SEMA6B: variants seen among roughly 807,000 people sequenced by gnomAD.
SEMA6B encodes semaphorin-6B.
A neutral mutation model predicts 78.6 loss-of-function variants in SEMA6B; 47 were observed. That is an observed-to-expected ratio of 0.60 (90% CI 0.47 to 0.76). SEMA6B has a LOEUF of 0.76. Ranked by LOEUF, SEMA6B falls within the 30% of genes least tolerant of loss-of-function variation. The pLI is 0.00. For synonymous variants in SEMA6B, 632 were observed against 592.2 expected (o/e 1.07, Z -0.98); for missense variants, 1,213 against 1,269.9 (o/e 0.96, Z 0.68).
chr19:4,544,437 C>T lies in SEMA6B; in HGVS notation c.1831G>A (p.Ala611Thr). The T allele has an allele frequency of 1.2e-6, 2 of 1,601,952 alleles. No homozygotes were observed. The highest frequency in any genetic ancestry group is 1.7e-6 in the Non-Finnish European group (2 of 1,175,208). Residue 611 changes from alanine (A) to threonine (T), a missense_variant, in exon 17 of 17, where the codon GCC becomes ACC. Transcript: ENST00000586582. This position sits in a 1 kb window ranked among gnomAD's most constrained non-coding sequence, Gnocchi z 5.1. Reference protein sequence around the residue: ...TSSVAAFVVGAVVSGFSVGWF... With the variant: ...TSSVAAFVVGTVVSGFSVGWF... ...CCCACGCTGAAGCCGGACACCACGG[C>T]TCCCACCACGAAGGCCGCCACCGAC...
rs1445969276 is a variant in SEMA6B at position 4,555,933 on chromosome 19, G to A, written c.471+55C>T. 14 of 1,401,192 alleles carry A rather than the reference G, an allele frequency of 1.0e-5. No homozygotes were observed. The East Asian group carries it at 2.5e-4, about 25-fold the overall frequency. 86.8% of individuals were successfully genotyped at this position (1,401,192 alleles called of 1,614,324 possible). A position where few individuals can be genotyped will look rare whatever the true frequency, so the allele number is the denominator to read the frequency against. ...GGAAAAGCCATGGCCAGCGGAGGTC[G>A]GGCGAGCAGAGGCCTGGAGGTTGGA... On this transcript the variant is annotated intron_variant, in intron 6 of 16. Coordinates refer to ENST00000586582, the MANE Select transcript of SEMA6B (RefSeq NM_032108.4). This position sits in a 1 kb window ranked among gnomAD's most constrained non-coding sequence, Gnocchi z 6.1.
Position 4,548,245 on chromosome 19 carries a change from A to G in SEMA6B, c.1454+18T>C, listed in dbSNP as rs780146776. The G allele has an allele frequency of 6.3e-7, 1 of 1,596,578 alleles. No homozygotes were observed. Among genetic ancestry groups the G allele is most frequent in the Non-Finnish European group, 8.6e-7 (1 of 1,165,948 alleles). On this transcript the variant is annotated intron_variant, in intron 13 of 16. Coordinates refer to ENST00000586582, the MANE Select transcript of SEMA6B (RefSeq NM_032108.4). The stretch of plus-strand genomic sequence containing the variant: ...CCCCTCCTGCTGGCGACCCCTTCCC[A>G]CCTTTGCCCAGACTTACCTGTCCGG...
intron 9 of SEMA6B, among the ~76,000 whole-genome samples, 187 bp downstream of exon 9, chr19:4,554,201 G>C (rs1477161705): frequency 6.6e-6 from 1 of 152,128 alleles, no homozygotes; most frequent in Non-Finnish European, 1.5e-5. Context: ...AGGGCTGAGT[G>C]CTCCACGGCT....
Position 4,543,653 on chromosome 19 carries a change from G to A in SEMA6B, c.2615C>T (p.Ala872Val), listed in dbSNP as rs1599771278. The A allele has an allele frequency of 1.7e-5, 21 of 1,231,942 alleles. No homozygotes were observed. The East Asian group carries it at 1.9e-4, about 11-fold the overall frequency. 76.3% of individuals were successfully genotyped at this position (1,231,942 alleles called of 1,614,324 possible). A position where few individuals can be genotyped will look rare whatever the true frequency, so the allele number is the denominator to read the frequency against. The change falls in exon 17 of 17, where the codon GCC becomes GTC. Residue 872 changes from alanine (A) to valine (V), a missense_variant. Coordinates refer to ENST00000586582, the MANE Select transcript of SEMA6B (RefSeq NM_032108.4). ...CGCCCCCCCATAGGGGAGGAGGTGG[G>A]CCAAGTCTGTGCCCGGCCGGGCGTG... ...GCHARPGTDLAHLLPYGGADR... is the reference protein window; with the variant it reads ...GCHARPGTDLVHLLPYGGADR...
Position 4,542,703 on chromosome 19 carries a change from G to A in SEMA6B, c.*898C>T, listed in dbSNP as rs143507855. The A allele has an allele frequency of 5.8e-4, 388 of 668,476 alleles. 1 individual carries two copies. The highest frequency in any genetic ancestry group is 8.2e-4 in the South Asian group (53 of 64,382). The allele number at this position is 668,476 out of a possible 1,614,324, so 41.4% of individuals were successfully genotyped here. On this transcript the variant is annotated 3_prime_UTR_variant, in exon 17 of 17. Transcript: ENST00000586582. ...CATGCATGGTCAGCTGGAGGTCAGA[G>A]GGGGGAGGTCACAAGGGGACGGGTG...
Position 4,558,169 on chromosome 19 carries a change from G to T in SEMA6B, c.122-20C>A. ...TCAGGTCTGAGTGAGGGGGTGGAGA[G>T]GGGTGTGAGCAAGGGCTGGGGGTGA... On this transcript the variant is annotated intron_variant, in intron 2 of 16. Coordinates refer to ENST00000586582, the MANE Select transcript of SEMA6B (RefSeq NM_032108.4). The surrounding 1 kb of genome is among the most constrained non-coding windows in gnomAD (Gnocchi z 5.1). 7.0e-7 allele frequency: 1 copy of T among 1,435,348 alleles called. No individual in the cohort carries two copies. The highest frequency in any genetic ancestry group is 1.4e-5 in the African/African-American group (1 of 68,986). The allele number at this position is 1,435,348 out of a possible 1,614,324, so 88.9% of individuals were successfully genotyped here. A position where few individuals can be genotyped will look rare whatever the true frequency, so the allele number is the denominator to read the frequency against.
intron 9 of SEMA6B, among the ~76,000 whole-genome samples, chr19:4,553,826 T>C (rs1482594759): frequency 1.7e-5 from 2 of 120,690 alleles, no homozygotes; most frequent in Non-Finnish European, 3.6e-5. Flanking sequence ...GGTGAATGGA[T>C]TGGCAGATGG....
In SEMA6B at chr19:4,544,335, C is replaced by T. The variant is rs1369165475; in HGVS notation, c.1933G>A (p.Gly645Ser). Residue 645 changes from glycine (G) to serine (S), a missense_variant, in exon 17 of 17, where the codon GGC becomes AGC. Physicochemically the swap from Gly to Ser is moderately conservative, Grantham distance 56. Coordinates refer to ENST00000586582, the MANE Select transcript of SEMA6B (RefSeq NM_032108.4). The surrounding 1 kb of genome is among the most constrained non-coding windows in gnomAD (Gnocchi z 5.1). ...CGGCTGACGCTCAGCACCGCCTCGC[C>T]CGCCCCGTGCGCCAGGATGGCCTCC... ...DKEAILAHGA[G>S]EAVLSVSRLG... 1 of 1,529,214 alleles carries T rather than the reference C, an allele frequency of 6.5e-7. No homozygotes were observed. The highest frequency in any genetic ancestry group is 1.2e-5 in the South Asian group (1 of 83,020). 94.7% of individuals were successfully genotyped at this position (1,529,214 alleles called of 1,614,324 possible).
intron 3 of SEMA6B, 141 bp downstream of exon 3, chr19:4,557,885 C>G: frequency 1.4e-6 from 1 of 726,058 alleles, no homozygotes; most frequent in Non-Finnish European, 1.9e-6. Flanking sequence ...CACCTTCCTC[C>G]GGGTCAAAGC....
intron 5 of SEMA6B, 144 bp from the exon 6 acceptor site, chr19:4,556,233 G>A (rs978410727): frequency 7.7e-6 from 5 of 650,310 alleles, no homozygotes; most frequent in Non-Finnish European, 1.4e-5. Flanking sequence ...GACTGGCTGG[G>A]GACACGGTGC....
In SEMA6B at chr19:4,550,047, G is replaced by T. The variant is rs568915299; in HGVS notation, c.1271+76C>A. ...CGGAAGCCATGGGCTCATCTGTGTT[G>T]AGCATCTGGATCCTCTCACCCTCCA... On this transcript the variant is annotated intron_variant, in intron 12 of 16. Coordinates refer to ENST00000586582, the MANE Select transcript of SEMA6B (RefSeq NM_032108.4). This position sits in a 1 kb window ranked among gnomAD's most constrained non-coding sequence, Gnocchi z 6.6. 2.0e-6 allele frequency: 3 copies of T among 1,471,896 alleles called. No individual in the cohort carries two copies. Among genetic ancestry groups the T allele is most frequent in the South Asian group, 1.2e-5 (1 of 82,858 alleles). 91.2% of individuals were successfully genotyped at this position (1,471,896 alleles called of 1,614,324 possible).
intron 5 of SEMA6B, 102 bp from the exon 6 acceptor site, chr19:4,556,191 G>T: frequency 1.2e-6 from 1 of 803,558 alleles, no homozygotes. Flanking sequence ...CCGGTCTGTT[G>T]TGGGCATGGC....
In SEMA6B at chr19:4,558,571, C is replaced by T. The variant is rs1449606749; in HGVS notation, c.-32-82G>A. On this transcript the variant is annotated intron_variant, in intron 1 of 16. Coordinates refer to ENST00000586582, the MANE Select transcript of SEMA6B (RefSeq NM_032108.4). The surrounding 1 kb of genome is among the most constrained non-coding windows in gnomAD (Gnocchi z 5.1). ...CGGCGGGCGAGAGCAGCAGACGCTC[C>T]TTCAAATCCCAGAAAAATTCCTCAC... 1.2e-6 allele frequency: 1 copy of T among 848,674 alleles called. No homozygotes were observed. The highest frequency in any genetic ancestry group is 1.6e-6 in the Non-Finnish European group (1 of 638,362). The allele number at this position is 848,674 out of a possible 1,614,324, so 52.6% of individuals were successfully genotyped here.
chr19:4,554,464 A>T lies in SEMA6B; in HGVS notation c.695T>A (p.Val232Asp). ...DSKWFKEPYFVHAVEWGSHVY... is the reference protein window; with the variant it reads ...DSKWFKEPYFDHAVEWGSHVY... ...ATGGCTGCCCCACTCCACCGCATGG[A>T]CAAAGTAAGGCTCTGCAGGACAGGA... The change falls in exon 9 of 17, where the codon GTC becomes GAC. Residue 232 changes from valine (V) to aspartate (D), a missense_variant. Val to Asp is a radical substitution (Grantham distance 152, BLOSUM62 -3). Transcript: ENST00000586582. 1 of 1,613,846 alleles carries T rather than the reference A, an allele frequency of 6.2e-7. No individual in the cohort carries two copies. Among genetic ancestry groups the T allele is most frequent in the Non-Finnish European group, 8.5e-7 (1 of 1,179,916 alleles).
chr19:4,544,960 G>T lies in SEMA6B; in HGVS notation c.1739-431C>A, dbSNP rs189837299. Among the ~76,000 whole-genome samples, 176 of 151,662 alleles carry T rather than the reference G, an allele frequency of 1.2e-3. 4 individuals carry two copies. The East Asian group carries it at 0.033, about 28-fold the overall frequency. On this transcript the variant is annotated intron_variant, in intron 16 of 16. Coordinates refer to ENST00000586582, the MANE Select transcript of SEMA6B (RefSeq NM_032108.4). This position sits in a 1 kb window ranked among gnomAD's most constrained non-coding sequence, Gnocchi z 5.1. ...TTTTTATTATTTTTTAATTTTTTTT[G>T]TTTGTTTGTTTTGAGACAGTCCCCC...
At chr19:4,553,026 G>A (rs1484596627) in intron 9 of SEMA6B, among the ~76,000 whole-genome samples, 1 of 152,222 alleles carries the variant, frequency 6.6e-6, no homozygotes, top group Non-Finnish European at 1.5e-5. Flanking sequence ...GGCAGTCTGT[G>A]CACTTCAGCA....
rs1977368606 is a variant in SEMA6B, at chr19:4,552,839, G to T, written c.772-200C>A. 1.3e-5 allele frequency among the ~76,000 whole-genome samples: 2 copies of T among 152,324 alleles called. No individual in the cohort carries two copies. Among genetic ancestry groups the T allele is most frequent in the South Asian group, 4.1e-4 (2 of 4,826 alleles). On this transcript the variant is annotated intron_variant, in intron 9 of 16. Transcript: ENST00000586582. The surrounding 1 kb of genome is among the most constrained non-coding windows in gnomAD (Gnocchi z 7.4). ...GGTGGGAATGTCAATGATGATAATA[G>T]CAACAGTGACAACCATAATCATCAC...
Position 4,550,507 on chromosome 19 carries a change from GCA to G in SEMA6B, c.1122-237_1122-236del, listed in dbSNP as rs1977299400. On this transcript the variant is annotated intron_variant, in intron 11 of 16. Coordinates refer to ENST00000586582, the MANE Select transcript of SEMA6B (RefSeq NM_032108.4). The surrounding 1 kb of genome is among the most constrained non-coding windows in gnomAD (Gnocchi z 6.6). Reference sequence around the variant, plus strand: ...GCCACCCGAGTGGCTGGGATTACAGGCACGTGCCATCACGCCCGGCTAATTTT... The same window carrying G: ...GCCACCCGAGTGGCTGGGATTACAGGCGTGCCATCACGCCCGGCTAATTTT... Among the ~76,000 whole-genome samples the G allele has an allele frequency of 1.3e-5, 2 of 152,110 alleles. No individual in the cohort carries two copies. Among genetic ancestry groups the G allele is most frequent in the South Asian group, 2.1e-4 (1 of 4,824 alleles).
At chr19:4,546,914 C>T (rs1599774313) in intron 14 of SEMA6B, among the ~76,000 whole-genome samples, 3 of 151,304 alleles carry the variant, frequency 2.0e-5, no homozygotes, top group Admixed American at 1.3e-4. Context: ...CCACGGCTGG[C>T]GTTTTCTTAT....
Sources: gnomAD v4.1 joint callset for allele counts (sites outside exome capture counted in the v4.1 genomes callset) on GRCh38, gnomAD v4.1.1 for gene constraint, Gnocchi (gnomAD v3.1) non-coding constraint, MANE v1.5 for transcripts, NCBI Gene and HGNC (gene_info 2026-07-23, HGNC 2026-07-21) for gene names.